SEMA6D: variants seen among roughly 807,000 people sequenced by gnomAD.
SEMA6D encodes semaphorin 6D, also known as semaphorin-6D.
A neutral mutation model predicts 106.6 loss-of-function variants in SEMA6D; 35 were observed. The ratio of observed to expected loss-of-function variants is 0.33; its 90% CI spans 0.25 to 0.44. The LOEUF is 0.44. Ranked by LOEUF, SEMA6D falls within the 20% of genes least tolerant of loss-of-function variation. The pLI, the probability that SEMA6D is intolerant of heterozygous loss-of-function variation, is 1.00. For synonymous variants in SEMA6D, 499 were observed against 487.7 expected, an observed-to-expected ratio of 1.02 and a Z score of -0.31; for missense variants, 1,185 against 1,345.9, an observed-to-expected ratio of 0.88 and a Z score of 1.87.
Position 47,442,712 on chromosome 15 carries a change from G to A in SEMA6D, c.-158-27762G>A, listed in dbSNP as rs2041918250. On this transcript the variant is annotated intron_variant, in intron 2 of 19. Transcript: ENST00000558014. ...ATATTACTGTTATTTGCTCAGATCTGGAATGCCTGGGTTGGAAGTGCATTT... is the reference window on the plus strand; with the variant it reads ...ATATTACTGTTATTTGCTCAGATCTAGAATGCCTGGGTTGGAAGTGCATTT... Among the ~76,000 whole-genome samples, 3 of 152,214 alleles carry A rather than the reference G, an allele frequency of 2.0e-5. No individual in the cohort carries two copies. In the South Asian group the frequency reaches 6.2e-4, roughly 32 times the overall value.
At chr15:47,513,729 T>G (rs920708278) in intron 3 of SEMA6D, among the ~76,000 whole-genome samples, 2 of 152,190 alleles carry the variant, frequency 1.3e-5, no homozygotes, top group Non-Finnish European at 2.9e-5. Context: ...TTGTTTTTCT[T>G]GAAGCATATC....
intron 3 of SEMA6D, among the ~76,000 whole-genome samples, chr15:47,471,923 TCTCTCTCTCACACACACACA>T (rs2042853684): frequency 7.7e-6 from 1 of 129,910 alleles, no homozygotes; most frequent in African/African-American, 3.5e-5. Context: ...TCTCTCTCTC[TCTCTCTCTCACACACACACA>T]CACACACACA....
intron 1 of SEMA6D, among the ~76,000 whole-genome samples, chr15:47,192,951 A>AAGACATGACAAATTAACTTAATTCTTGCT: frequency 6.6e-6 from 1 of 152,188 alleles, no homozygotes. Flanking sequence ...TAACTGCTAA[A>AAGACATGACAAATTAACTTAATTCTTGCT]AGACATGACA....
In SEMA6D at chr15:47,767,063, G is replaced by A. The variant is rs1219181849; in HGVS notation, c.1735G>A (p.Asp579Asn). 1.3e-6 allele frequency: 2 copies of A among 1,568,630 alleles called. No homozygotes were observed. Among genetic ancestry groups the A allele is most frequent in the African/African-American group, 2.8e-5 (2 of 72,570 alleles). Residue 579 changes from aspartate (D) to asparagine (N), a missense_variant, in exon 17 of 19, where the codon GAT becomes AAT. By Grantham distance (23) the Asp-to-Asn change is conservative. Transcript: ENST00000536845. ...AATTTTGCCTACTTCAACTACACCAGATTACAAAATATTTGGCGGTCCAAC... is the reference window on the plus strand; with the variant it reads ...AATTTTGCCTACTTCAACTACACCAAATTACAAAATATTTGGCGGTCCAAC... ...HEILPTSTTP[D>N]YKIFGGPTSD... is the part of the protein sequence containing the mutation.
chr15:47,259,860 T>C (rs2033985809), intron 1 of SEMA6D, among the ~76,000 whole-genome samples: 1 of 152,140 alleles, frequency 6.6e-6, no homozygotes, highest in African/African-American at 2.4e-5. Context: ...GCTGTGATTT[T>C]TTTTTCTTTT....
rs2081974696 is a variant in SEMA6D at position 47,760,009 on chromosome 15, G to A, written c.109+102G>A. 3 of 880,918 alleles carry A rather than the reference G, an allele frequency of 3.4e-6. No individual in the cohort carries two copies. In the South Asian group the frequency reaches 4.6e-5, roughly 14 times the overall value. The allele number at this position is 880,918 out of a possible 1,614,324, so 54.6% of individuals were successfully genotyped here. A position where few individuals can be genotyped will look rare whatever the true frequency, so the allele number is the denominator to read the frequency against. On this transcript the variant is annotated intron_variant, in intron 2 of 18. Coordinates refer to ENST00000536845, the MANE Select transcript of SEMA6D (RefSeq NM_001358351.3). ...TCAGAAAGAGGCAGAGATTTTTTAT[G>A]TCTTAACCTTGAATTTGCATCTGAG...
At chr15:47,184,872 C>A (rs1023158383) in intron 1 of SEMA6D, among the ~76,000 whole-genome samples, 9 of 152,242 alleles carry the variant, frequency 5.9e-5, no homozygotes, top group Non-Finnish European at 1.2e-4. Context: ...CACGCTGCCC[C>A]GCTTTTTTTA....
intron 2 of SEMA6D, among the ~76,000 whole-genome samples, chr15:47,414,835 A>G (rs745319545): frequency 1.2e-4 from 19 of 152,172 alleles, no homozygotes; most frequent in African/African-American, 1.9e-4. Flanking sequence ...GTAGACACCA[A>G]TGTACCTCAA....
chr15:47,240,628 T>C (rs1205319233), intron 1 of SEMA6D, among the ~76,000 whole-genome samples: 1 of 152,142 alleles, frequency 6.6e-6, no homozygotes, highest in Non-Finnish European at 1.5e-5. Context: ...TAGAGGAATT[T>C]TAGTGCAACA....
At chr15:47,251,509 A>T (rs892788951) in intron 1 of SEMA6D, among the ~76,000 whole-genome samples, 1 of 152,148 alleles carries the variant, frequency 6.6e-6, no homozygotes, top group African/African-American at 2.4e-5. Flanking sequence ...ACCATTTCCA[A>T]TTGCCATCCT....
intron 4 of SEMA6D, among the ~76,000 whole-genome samples, chr15:47,686,285 G>A (rs920752852): frequency 7.9e-5 from 12 of 152,122 alleles, no homozygotes; most frequent in Admixed American, 6.5e-4. Context: ...ATATTTAGAT[G>A]TCTCAGAAGA....
chr15:47,551,753 C>T (rs539731641), intron 3 of SEMA6D, among the ~76,000 whole-genome samples: 3 of 149,902 alleles, frequency 2.0e-5, no homozygotes, highest in South Asian at 4.2e-4. Flanking sequence ...ATTAAAGTCA[C>T]GTGACCAAAA....
chr15:47,673,829 A>T (rs2078186092), intron 4 of SEMA6D, among the ~76,000 whole-genome samples: 1 of 152,182 alleles, frequency 6.6e-6, no homozygotes, highest in Admixed American at 6.5e-5. Context: ...TTACAGGCAT[A>T]TCACTGTAGA....
At chr15:47,604,677 G>A (rs144322899) in intron 4 of SEMA6D, among the ~76,000 whole-genome samples, 1 of 152,124 alleles carries the variant, frequency 6.6e-6, no homozygotes, top group Non-Finnish European at 1.5e-5. Flanking sequence ...ATCCATCCTT[G>A]GTGGATTTTA....
chr15:47,760,874 G>T, intron 3 of SEMA6D, 104 bp from the exon 4 acceptor site: 1 of 1,003,456 alleles, frequency 1.0e-6, no homozygotes, highest in South Asian at 1.7e-5. Flanking sequence ...AAATCCAGAT[G>T]ATCTCTAAAA....
intron 1 of SEMA6D, among the ~76,000 whole-genome samples, chr15:47,746,429 C>G (rs2081135311): frequency 6.6e-6 from 1 of 152,178 alleles, no homozygotes; most frequent in South Asian, 2.1e-4. Flanking sequence ...ATCTGCTTGA[C>G]CTTTGTCAGA....
intron 2 of SEMA6D, among the ~76,000 whole-genome samples, chr15:47,436,155 C>T (rs964804583): frequency 4.6e-5 from 7 of 151,922 alleles, no homozygotes; most frequent in South Asian, 2.1e-4. Context: ...TTTGGGAGGC[C>T]GAGGCAGGTG....
intron 1 of SEMA6D, among the ~76,000 whole-genome samples, chr15:47,256,175 T>C (rs1262522664): frequency 6.6e-6 from 1 of 152,174 alleles, no homozygotes; most frequent in Non-Finnish European, 1.5e-5. Context: ...TTTTAGCTAT[T>C]TTAGGGCTGG....
chr15:47,526,057 A>G (rs2044745548), intron 3 of SEMA6D, among the ~76,000 whole-genome samples: 1 of 152,118 alleles, frequency 6.6e-6, no homozygotes, highest in East Asian at 1.9e-4. Flanking sequence ...AAAAAAGAGA[A>G]ATCCTGGCTT....
Sources: gnomAD v4.1 joint callset for allele counts (sites outside exome capture counted in the v4.1 genomes callset) on GRCh38, gnomAD v4.1.1 for gene constraint, MANE v1.5 for transcripts, NCBI Gene and HGNC (gene_info 2026-07-23, HGNC 2026-07-21) for gene names.